ZFAND3: variants seen among roughly 807,000 people sequenced by gnomAD.
ZFAND3 encodes the protein AN1-type zinc finger protein 3.
A neutral mutation model predicts 29.6 loss-of-function variants in ZFAND3; 10 were observed. That is an observed-to-expected ratio of 0.34 (90% CI 0.21 to 0.57). The LOEUF (loss-of-function observed/expected upper bound fraction) is 0.57. Ranked by LOEUF, ZFAND3 falls within the 20% of genes least tolerant of loss-of-function variation. The pLI is 0.86. For missense variants in ZFAND3, 230 were observed against 304.5 expected, an observed-to-expected ratio of 0.76 and a Z score of 1.82; for synonymous variants, 128 against 112.6, an observed-to-expected ratio of 1.14 and a Z score of -0.87.
chr6:38,039,006 T>G (rs546088943), intron 2 of ZFAND3, among the ~76,000 whole-genome samples: 13 of 152,242 alleles, frequency 8.5e-5, no homozygotes, highest in Non-Finnish European at 1.9e-4. Context: ...ATCAGATAGG[T>G]TGGAAATAAA....
chr6:37,845,411 T>C (rs1009490760), intron 1 of ZFAND3, among the ~76,000 whole-genome samples: 7 of 152,222 alleles, frequency 4.6e-5, no homozygotes, highest in Non-Finnish European at 1.0e-4. Flanking sequence ...TGTTTCGTTG[T>C]CTTTGTTGGC....
chr6:38,097,461 A>G (rs184216683), intron 4 of ZFAND3, among the ~76,000 whole-genome samples: 1 of 152,088 alleles, frequency 6.6e-6, no homozygotes, highest in East Asian at 1.9e-4. Context: ...AGCAGTGAGT[A>G]TAGGTATTAA....
rs189905100 is a variant in ZFAND3, at chr6:37,985,483, G to A, written c.112+55484G>A. Among the ~76,000 whole-genome samples the A allele has an allele frequency of 4.9e-5, 7 of 142,860 alleles. No individual in the cohort carries two copies. In the East Asian group the frequency reaches 1.3e-3, roughly 27 times the overall value. The allele number at this position is 142,860 out of a possible 152,430, so 93.7% of individuals were successfully genotyped here. A position where few individuals can be genotyped will look rare whatever the true frequency, so the allele number is the denominator to read the frequency against. ...TCTACACACACACATGCGCCTGGTG[G>A]CACGTGCTTGTGGTTCCACACACAC... is the stretch of plus-strand genomic sequence containing the variant. On this transcript the variant is annotated intron_variant, in intron 2 of 5. Transcript: ENST00000287218.
chr6:37,862,050 C>T (rs1468943386), intron 1 of ZFAND3, among the ~76,000 whole-genome samples: 1 of 152,002 alleles, frequency 6.6e-6, no homozygotes, highest in Non-Finnish European at 1.5e-5. Context: ...TAAAAATGTG[C>T]TCAAAGAGGA....
intron 1 of ZFAND3, among the ~76,000 whole-genome samples, chr6:37,889,722 G>C (rs1367705502): frequency 6.6e-6 from 1 of 152,218 alleles, no homozygotes; most frequent in African/African-American, 2.4e-5. Flanking sequence ...TTGGCTGCTA[G>C]CTGGAATATC....
intron 2 of ZFAND3, among the ~76,000 whole-genome samples, chr6:38,032,962 C>T (rs1029589563): frequency 2.6e-5 from 4 of 152,028 alleles, no homozygotes; most frequent in Admixed American, 2.6e-4. Context: ...TGTATAAGAC[C>T]CAAGCCTTGA....
chr6:38,007,051 A>C (rs1763063006), intron 2 of ZFAND3, among the ~76,000 whole-genome samples: 1 of 152,196 alleles, frequency 6.6e-6, no homozygotes, highest in Non-Finnish European at 1.5e-5. Flanking sequence ...AGTTTTTAAA[A>C]ATTAAAGAGT....
intron 2 of ZFAND3, among the ~76,000 whole-genome samples, chr6:38,036,083 C>G (rs910111975): frequency 2.0e-5 from 3 of 152,176 alleles, no homozygotes; most frequent in Admixed American, 2.0e-4. Flanking sequence ...TGAGTCTGTT[C>G]TCCCTGGCTA....
chr6:37,882,228 C>T (rs1013040127), intron 1 of ZFAND3, among the ~76,000 whole-genome samples: 5 of 152,074 alleles, frequency 3.3e-5, no homozygotes, highest in South Asian at 2.1e-4. Context: ...TCCAACCTCC[C>T]CTGAAATAGA....
intron 4 of ZFAND3, among the ~76,000 whole-genome samples, chr6:38,110,655 A>G (rs1765296796): frequency 6.6e-6 from 1 of 152,168 alleles, no homozygotes; most frequent in Non-Finnish European, 1.5e-5. Context: ...GATAGGTTCT[A>G]AAAAAACTGA....
intron 2 of ZFAND3, among the ~76,000 whole-genome samples, chr6:38,050,220 G>T (rs1173510526): frequency 6.6e-6 from 1 of 151,912 alleles, no homozygotes; most frequent in African/African-American, 2.4e-5. Context: ...CTTCCAAAGT[G>T]CTGGGATTAC....
intron 2 of ZFAND3, among the ~76,000 whole-genome samples, chr6:38,058,490 T>C (rs1764174463): frequency 6.6e-6 from 1 of 152,178 alleles, no homozygotes; most frequent in Non-Finnish European, 1.5e-5. Flanking sequence ...TGTCAAAACA[T>C]GGAAGAACAA....
intron 1 of ZFAND3, among the ~76,000 whole-genome samples, chr6:37,834,463 G>T (rs1763925755): frequency 6.6e-6 from 1 of 152,138 alleles, no homozygotes. Flanking sequence ...AGGAACATCT[G>T]TGTGCAGGTT....
intron 1 of ZFAND3, among the ~76,000 whole-genome samples, chr6:37,891,984 C>T (rs1020057015): frequency 6.6e-6 from 1 of 152,166 alleles, no homozygotes. Context: ...TCGCCTCGCC[C>T]TCCCAAAGTG....
In ZFAND3 at chr6:37,968,876, C is replaced by T. The variant is rs921807543; in HGVS notation, c.112+38877C>T. The stretch of plus-strand genomic sequence containing the variant: ...ACACCCGAGTGTGTCCAGTAATCTG[C>T]GAACATTATGAAGTCCTACCCCTAA... On this transcript the variant is annotated intron_variant, in intron 2 of 5. Transcript: ENST00000287218. 3.7e-4 allele frequency among the ~76,000 whole-genome samples: 56 copies of T among 152,288 alleles called. 2 individuals carry two copies. The highest frequency in any genetic ancestry group is 5.9e-5 in the Non-Finnish European group (4 of 68,034).
intron 5 of ZFAND3, among the ~76,000 whole-genome samples, chr6:38,122,917 T>A (rs1167260993): frequency 6.6e-6 from 1 of 152,198 alleles, no homozygotes; most frequent in East Asian, 1.9e-4. Context: ...TGGGCAAAGC[T>A]GGTATTTAGG....
chr6:37,916,188 G>T (rs925438584), intron 1 of ZFAND3, among the ~76,000 whole-genome samples: 4 of 151,866 alleles, frequency 2.6e-5, no homozygotes, highest in Non-Finnish European at 5.9e-5. Context: ...GATCACCATT[G>T]TAGATATAAT....
chr6:38,154,495 T>A lies in ZFAND3; in HGVS notation c.*2106T>A. ...GAAAATCTTATTTAACCCTTTTGTG[T>A]TCTAGATTTACTTACACACATAGCC... On this transcript the variant is annotated 3_prime_UTR_variant, in exon 6 of 6. Transcript: ENST00000287218. 9 of 983,342 alleles carry A rather than the reference T, an allele frequency of 9.2e-6. No individual in the cohort carries two copies. Among genetic ancestry groups the A allele is most frequent in the Non-Finnish European group, 1.1e-5 (9 of 827,602 alleles). 60.9% of individuals were successfully genotyped at this position (983,342 alleles called of 1,614,324 possible).
At chr6:37,921,685 GA>G (rs892108915) in intron 1 of ZFAND3, among the ~76,000 whole-genome samples, 42 of 150,506 alleles carry the variant, frequency 2.8e-4, no homozygotes, top group African/African-American at 9.0e-4. Context: ...CTTCAAAATT[GA>G]AAAAAAAATT....
Sources: allele counts gnomAD v4.1 joint callset (sites outside exome capture counted in the v4.1 genomes callset), GRCh38; gene constraint gnomAD v4.1.1; transcripts MANE v1.5; gene names NCBI Gene and HGNC (gene_info 2026-07-23, HGNC 2026-07-21).